The following PRKAR1A variants were observed in gnomAD, a reference collection of about 807,000 sequenced individuals.
The protein encoded by PRKAR1A is protein kinase cAMP-dependent type I regulatory subunit alpha.
Under a neutral mutation model 52.0 loss-of-function variants are expected in PRKAR1A, and 3 were observed. The observed-to-expected ratio is 0.06, with a 90% CI of 0.03 to 0.15. PRKAR1A has a LOEUF of 0.15. Among genes scored for constraint, PRKAR1A ranks in the 10% least tolerant of loss-of-function variants. The pLI, the probability that PRKAR1A is intolerant of heterozygous loss-of-function variation, is 1.00. For missense variants in PRKAR1A, 240 were observed against 477.4 expected, an observed-to-expected ratio of 0.50 and a Z score of 4.63; for synonymous variants, 188 against 168.4, an observed-to-expected ratio of 1.12 and a Z score of -0.90.
the PRKAR1A span, among the ~76,000 whole-genome samples, chr17:68,414,985 T>G: frequency 6.6e-6 from 1 of 152,212 alleles, no homozygotes; most frequent in African/African-American, 2.4e-5. Flanking sequence ...AGAACCAGCT[T>G]TGTGTTTCAT....
chr17:68,539,371 T>C (rs200391198), intron 11 of PRKAR1A: 2 of 1,613,920 alleles, frequency 1.2e-6, no homozygotes, highest in East Asian at 2.2e-5. Flanking sequence ...AGGATGGAGA[T>C]TTCATCATGG....
At chr17:68,503,218 G>A in the PRKAR1A span, among the ~76,000 whole-genome samples, 1 of 152,184 alleles carries the variant, frequency 6.6e-6, no homozygotes, top group Non-Finnish European at 1.5e-5. Context: ...ACAAATGCTG[G>A]CAAGGATGTA....
chr17:68,465,625 ATTTTTTTTTTT>A, the PRKAR1A span, among the ~76,000 whole-genome samples: 2 of 67,190 alleles, frequency 3.0e-5, no homozygotes, highest in Non-Finnish European at 5.5e-5. Flanking sequence ...ACGCCCAGCA[ATTTTTTTTTTT>A]TTTTTTTTTT....
At chr17:68,534,582 T>G (rs532637930), downstream of PRKAR1A, among the ~76,000 whole-genome samples, 12 of 148,846 alleles carry the variant, frequency 8.1e-5, no homozygotes, top group African/African-American at 3.0e-4. Flanking sequence ...TTTTTTTGCA[T>G]TTTTGTATTT....
the PRKAR1A span, among the ~76,000 whole-genome samples, chr17:68,443,563 C>T: frequency 7.1e-6 from 1 of 140,680 alleles, no homozygotes; most frequent in Non-Finnish European, 1.6e-5. Context: ...CTTTCACAAA[C>T]ATTACCTTGT....
intron 11 of PRKAR1A, among the ~76,000 whole-genome samples, chr17:68,538,686 T>C (rs2086167654): frequency 6.6e-6 from 1 of 152,242 alleles, no homozygotes; most frequent in Admixed American, 6.5e-5. Context: ...TGAGCCGATA[T>C]GAATGCTGGG....
the PRKAR1A span, among the ~76,000 whole-genome samples, chr17:68,501,453 G>T: frequency 6.6e-6 from 1 of 152,092 alleles, no homozygotes; most frequent in Non-Finnish European, 1.5e-5. Context: ...AAAACCCTCA[G>T]CATTCTCTCT....
chr17:68,505,850 C>G, the PRKAR1A span, among the ~76,000 whole-genome samples: 1 of 152,088 alleles, frequency 6.6e-6, no homozygotes, highest in Non-Finnish European at 1.5e-5. Context: ...ATTGGCTCTT[C>G]AAGTATAACA....
chr17:68,496,229 A>ATGTG, the PRKAR1A span, among the ~76,000 whole-genome samples: 1 of 150,010 alleles, frequency 6.7e-6, no homozygotes, highest in Admixed American at 6.7e-5. Flanking sequence ...TTTTGTACAG[A>ATGTG]TGTGTTTTCA....
intron 11 of PRKAR1A, among the ~76,000 whole-genome samples, chr17:68,550,814 T>A (rs1227879730): frequency 6.6e-6 from 1 of 152,198 alleles, no homozygotes; most frequent in Non-Finnish European, 1.5e-5. Context: ...CCTCCTTAAG[T>A]GAATCTAACA....
At chr17:68,499,406 G>GAGAGAGAGAGAGAGAGAGAGAGA in the PRKAR1A span, among the ~76,000 whole-genome samples, 1 of 149,342 alleles carries the variant, frequency 6.7e-6, no homozygotes, top group Admixed American at 6.7e-5. Flanking sequence ...GAGAGAGAGA[G>GAGAGAGAGAGAGAGAGAGAGAGA]GAGGGATATA....
the PRKAR1A span, among the ~76,000 whole-genome samples, chr17:68,486,506 CTT>C: frequency 2.1e-3 from 99 of 48,258 alleles, 2 homozygotes; most frequent in South Asian, 7.5e-3. Flanking sequence ...TCCTTCCTTC[CTT>C]CTTTCTTTCT....
At chr17:68,452,769 T>C in the PRKAR1A span, 1 of 648,708 alleles carries the variant, frequency 1.5e-6, no homozygotes, top group South Asian at 2.1e-5. Flanking sequence ...CGATTTATAT[T>C]TAAATCTAAA....
the PRKAR1A span, chr17:68,420,846 A>G: frequency 5.0e-6 from 1 of 199,134 alleles, no homozygotes; most frequent in East Asian, 1.3e-4. Context: ...AATACATTTT[A>G]GTTTCCTTGT....
rs1020353238 is a variant in PRKAR1A at position 68,533,349 on chromosome 17, C to CT, written c.*2904dup. On this transcript the variant is annotated 3_prime_UTR_variant, in exon 11 of 11. Coordinates refer to ENST00000589228, the MANE Select transcript of PRKAR1A (RefSeq NM_002734.5). ...ATTGTGTTGCTTTGAACATGTGTACCTTTTCTAGATTCAGTAATCCCTTCC... is the reference window on the plus strand; with the variant it reads ...ATTGTGTTGCTTTGAACATGTGTACCTTTTTCTAGATTCAGTAATCCCTTCC... The CT allele has an allele frequency of 9.4e-7, 1 of 1,062,104 alleles. No individual in the cohort carries two copies. Among genetic ancestry groups the CT allele is most frequent in the Non-Finnish European group, 1.1e-6 (1 of 877,214 alleles). The allele number at this position is 1,062,104 out of a possible 1,614,324, so 65.8% of individuals were successfully genotyped here.
the PRKAR1A span, among the ~76,000 whole-genome samples, chr17:68,432,999 C>T: frequency 1.3e-5 from 2 of 152,178 alleles, no homozygotes; most frequent in African/African-American, 4.8e-5. Context: ...GCTTCTTAAG[C>T]CCTGAGAAAT....
chr17:68,478,072 T>G, the PRKAR1A span, among the ~76,000 whole-genome samples: 6 of 152,210 alleles, frequency 3.9e-5, no homozygotes, highest in South Asian at 1.0e-3. Flanking sequence ...GAGACACAAC[T>G]TTATGAGTCC....
At chr17:68,537,838 C>CTTGGCGCCTCT, downstream of PRKAR1A, 1 of 1,348,136 alleles carries the variant, frequency 7.4e-7, no homozygotes, top group Admixed American at 2.0e-5. The surrounding 1 kb of genome is among the most constrained non-coding windows in gnomAD (Gnocchi z 4.2). Flanking sequence ...AGCTGATACT[C>CTTGGCGCCTCT]TTGGCGCCTC....
chr17:68,424,392 T>C, the PRKAR1A span: 1 of 530,082 alleles, frequency 1.9e-6, no homozygotes, highest in East Asian at 5.5e-5. Context: ...ATGTGCTCAC[T>C]AGAGGGTTCC....
Sources: gnomAD v4.1 joint callset for allele counts (sites outside exome capture counted in the v4.1 genomes callset) on GRCh38, gnomAD v4.1.1 for gene constraint, Gnocchi (gnomAD v3.1) non-coding constraint, MANE v1.5 for transcripts, NCBI Gene and HGNC (gene_info 2026-07-23, HGNC 2026-07-21) for gene names.